Variants in SLC44A5 observed in about 807,000 individuals in gnomAD.
The protein encoded by SLC44A5 is solute carrier family 44 member 5, also known as choline transporter-like protein 5.
A neutral mutation model predicts 101.8 loss-of-function variants in SLC44A5; 57 were observed. The ratio of observed to expected loss-of-function variants is 0.56; its 90% CI spans 0.45 to 0.70. SLC44A5 has a LOEUF of 0.70. SLC44A5 is among the 30% of genes least tolerant of loss of function. The pLI, the probability that SLC44A5 is intolerant of heterozygous loss-of-function variation, is 0.00. For missense variants in SLC44A5, 737 were observed against 853.1 expected, an observed-to-expected ratio of 0.86 and a Z score of 1.70; for synonymous variants, 281 against 290.9, an observed-to-expected ratio of 0.97 and a Z score of 0.35.
At chr1:75,398,775 C>T (rs1487480459) in intron 2 of SLC44A5, among the ~76,000 whole-genome samples, 3 of 152,086 alleles carry the variant, frequency 2.0e-5, no homozygotes, top group African/African-American at 7.2e-5. Flanking sequence ...TCTGTAACAG[C>T]TTATGTCTTT....
At chr1:75,293,938 T>C (rs1237171367) in intron 5 of SLC44A5, among the ~76,000 whole-genome samples, 4 of 152,218 alleles carry the variant, frequency 2.6e-5, no homozygotes, top group Non-Finnish European at 1.5e-5. Context: ...TATAGGTTTG[T>C]AATTTAATTT....
At chr1:75,677,779 C>G in the SLC44A5 span, 13 of 426,954 alleles carry the variant, frequency 3.0e-5, no homozygotes, top group East Asian at 3.7e-4. Flanking sequence ...CGAATAGGAA[C>G]AGCTCCGGTC....
chr1:75,287,712 T>C (rs886605498), intron 5 of SLC44A5, among the ~76,000 whole-genome samples: 4 of 152,050 alleles, frequency 2.6e-5, no homozygotes, highest in East Asian at 1.9e-4. Flanking sequence ...GTAGGTGTTA[T>C]TTCTCTTCTG....
chr1:75,541,220 G>C (rs951378408), intron 2 of SLC44A5, among the ~76,000 whole-genome samples: 2 of 152,100 alleles, frequency 1.3e-5, no homozygotes, highest in Non-Finnish European at 2.9e-5. Flanking sequence ...GGGAGTCCAG[G>C]TATAGAAAGG....
chr1:75,477,562 C>A (rs1276526088), intron 2 of SLC44A5, among the ~76,000 whole-genome samples: 2 of 152,098 alleles, frequency 1.3e-5, no homozygotes, highest in African/African-American at 4.8e-5. Flanking sequence ...CTTAAAGGAG[C>A]TGATGGAGCT....
chr1:75,532,855 CA>C (rs1216865649), intron 2 of SLC44A5, among the ~76,000 whole-genome samples: 1 of 152,098 alleles, frequency 6.6e-6, no homozygotes, highest in Admixed American at 6.5e-5. Context: ...GCCTGGGCAA[CA>C]TAGCAAAAAC....
intron 1 of SLC44A5, among the ~76,000 whole-genome samples, chr1:75,545,531 T>C (rs1671598551): frequency 6.6e-6 from 1 of 152,206 alleles, no homozygotes; most frequent in African/African-American, 2.4e-5. Flanking sequence ...TGTACATTTC[T>C]CAGTATAACA....
chr1:75,260,420 G>C (rs1650390547), intron 6 of SLC44A5, among the ~76,000 whole-genome samples: 2 of 152,090 alleles, frequency 1.3e-5, no homozygotes, highest in Admixed American at 1.3e-4. Flanking sequence ...GATCAAAAGA[G>C]ACAAAGAAGG....
chr1:75,268,395 T>C (rs192659218), intron 6 of SLC44A5, among the ~76,000 whole-genome samples: 11 of 152,144 alleles, frequency 7.2e-5, no homozygotes, highest in African/African-American at 2.4e-4. Context: ...ATCTGCTTTG[T>C]TTTTTTTCTT....
intron 6 of SLC44A5, among the ~76,000 whole-genome samples, chr1:75,265,036 T>C (rs947085660): frequency 6.6e-6 from 1 of 152,126 alleles, no homozygotes; most frequent in Non-Finnish European, 1.5e-5. Context: ...TGGACACATA[T>C]AACCTACCAA....
At chr1:75,699,060 C>T in the SLC44A5 span, among the ~76,000 whole-genome samples, 1 of 152,068 alleles carries the variant, frequency 6.6e-6, no homozygotes, top group Non-Finnish European at 1.5e-5. Flanking sequence ...GAGAATGGAA[C>T]CAAGTTGGAA....
At chr1:75,489,555 C>A (rs1029346867) in intron 2 of SLC44A5, among the ~76,000 whole-genome samples, 4 of 152,168 alleles carry the variant, frequency 2.6e-5, no homozygotes, top group African/African-American at 7.2e-5. Flanking sequence ...TCAGAAGCAG[C>A]ACTAAACAGT....
At chr1:75,352,377 C>T (rs1012823585) in intron 3 of SLC44A5, among the ~76,000 whole-genome samples, 3 of 151,684 alleles carry the variant, frequency 2.0e-5, no homozygotes, top group Non-Finnish European at 4.4e-5. Context: ...CCAACAGGCC[C>T]AAGTGTGTGT....
the SLC44A5 span, among the ~76,000 whole-genome samples, chr1:75,691,229 G>A: frequency 6.6e-6 from 1 of 152,154 alleles, no homozygotes; most frequent in Non-Finnish European, 1.5e-5. Context: ...AGCCTGAGAG[G>A]AAAACTCAAA....
At chr1:75,688,033 G>C in the SLC44A5 span, among the ~76,000 whole-genome samples, 1 of 152,164 alleles carries the variant, frequency 6.6e-6, no homozygotes, top group Non-Finnish European at 1.5e-5. Context: ...AATCCCCTCA[G>C]TCATAGTGCC....
chr1:75,659,265 C>A, the SLC44A5 span, among the ~76,000 whole-genome samples: 4 of 138,540 alleles, frequency 2.9e-5, no homozygotes, highest in Admixed American at 3.1e-4. Context: ...ATGAAGCCAG[C>A]ATTACTCTCA....
At chr1:75,352,438 GT>G (rs1022722383) in intron 3 of SLC44A5, among the ~76,000 whole-genome samples, 5 of 148,200 alleles carry the variant, frequency 3.4e-5, no homozygotes, top group South Asian at 2.1e-4. Context: ...TCTGTTTTTT[GT>G]TTTTTTTTTA....
chr1:75,703,225 G>T, the SLC44A5 span, among the ~76,000 whole-genome samples: 1 of 151,454 alleles, frequency 6.6e-6, no homozygotes, highest in Non-Finnish European at 1.5e-5. Flanking sequence ...GTTTATTGTG[G>T]CACTATTCAC....
the SLC44A5 span, among the ~76,000 whole-genome samples, chr1:75,703,007 A>G: frequency 4.0e-5 from 6 of 151,464 alleles, no homozygotes; most frequent in Non-Finnish European, 8.8e-5. Flanking sequence ...AAGTCAGGAA[A>G]CAACAGGTGC....
Sources: gnomAD v4.1 joint callset for allele counts (sites outside exome capture counted in the v4.1 genomes callset) on GRCh38, gnomAD v4.1.1 for gene constraint, MANE v1.5 for transcripts, NCBI Gene and HGNC (gene_info 2026-07-23, HGNC 2026-07-21) for gene names.